Variants in KCNN2 observed in about 807,000 individuals in gnomAD.
KCNN2 encodes the protein small conductance calcium-activated potassium channel protein 2.
A neutral mutation model predicts 55.5 loss-of-function variants in KCNN2; 24 were observed. That is an observed-to-expected ratio of 0.43 (90% CI 0.31 to 0.61). The LOEUF is 0.61. KCNN2 is among the 20% of genes least tolerant of loss of function. KCNN2 has a pLI of 0.08. For synonymous variants in KCNN2, 431 were observed against 336.1 expected (o/e 1.28, Z -3.09); for missense variants, 754 against 853.6 (o/e 0.88, Z 1.45).
At chr5:114,327,538 G>A (rs1460945649) in intron 2 of KCNN2, among the ~76,000 whole-genome samples, 2 of 152,180 alleles carry the variant, frequency 1.3e-5, no homozygotes, top group Non-Finnish European at 2.9e-5. Flanking sequence ...TATATCATAA[G>A]AGCTGAGAAA....
intron 1 of KCNN2, among the ~76,000 whole-genome samples, chr5:114,147,289 C>T (rs960263578): frequency 3.0e-4 from 17 of 56,084 alleles, no homozygotes; most frequent in South Asian, 1.1e-3. Flanking sequence ...CCAGTGAAGT[C>T]AGCCAGATTA....
chr5:114,435,398 C>CT (rs1219893629), intron 3 of KCNN2, among the ~76,000 whole-genome samples: 2 of 151,948 alleles, frequency 1.3e-5, no homozygotes, highest in Non-Finnish European at 2.9e-5. Context: ...AGTTTGTCAC[C>CT]TTTTTTTATT....
At chr5:114,312,761 C>T (rs572877560) in intron 2 of KCNN2, among the ~76,000 whole-genome samples, 2 of 152,004 alleles carry the variant, frequency 1.3e-5, no homozygotes, top group South Asian at 4.2e-4. Context: ...TTCCTAGCAA[C>T]CTCCCAGTTT....
intron 1 of KCNN2, among the ~76,000 whole-genome samples, chr5:114,060,650 T>A (rs1750307085): frequency 6.6e-6 from 1 of 152,264 alleles, no homozygotes; most frequent in African/African-American, 2.4e-5. Flanking sequence ...ATTCTGGCTC[T>A]ACCATATGTG....
intron 3 of KCNN2, among the ~76,000 whole-genome samples, chr5:114,443,138 A>G (rs1428486230): frequency 2.6e-5 from 4 of 152,066 alleles, no homozygotes; most frequent in Admixed American, 2.6e-4. Context: ...TAAAAATACA[A>G]AAATTAACTG....
chr5:114,117,969 T>A (rs920581915), intron 1 of KCNN2, among the ~76,000 whole-genome samples: 1 of 152,064 alleles, frequency 6.6e-6, no homozygotes, highest in Non-Finnish European at 1.5e-5. Context: ...TATCACAAAG[T>A]TCATAAGGGG....
chr5:114,242,902 A>G (rs924499593), intron 2 of KCNN2, among the ~76,000 whole-genome samples: 4 of 152,166 alleles, frequency 2.6e-5, no homozygotes, highest in Admixed American at 2.0e-4. Flanking sequence ...ATGAGGCCCA[A>G]CATGCCTTGT....
At chr5:114,130,280 A>G (rs184589957) in intron 1 of KCNN2, among the ~76,000 whole-genome samples, 15 of 152,300 alleles carry the variant, frequency 9.8e-5, no homozygotes, top group African/African-American at 3.4e-4. Context: ...ACTCAAACCT[A>G]TATTTCTCTA....
intron 3 of KCNN2, among the ~76,000 whole-genome samples, chr5:114,411,942 A>G (rs1485751024): frequency 1.3e-5 from 2 of 152,242 alleles, no homozygotes; most frequent in Admixed American, 6.5e-5. Flanking sequence ...ATCATGCCCC[A>G]TAATAAAACT....
chr5:114,234,452 C>T (rs1003293011), intron 2 of KCNN2, among the ~76,000 whole-genome samples: 2 of 152,156 alleles, frequency 1.3e-5, no homozygotes, highest in Non-Finnish European at 2.9e-5. Context: ...CTTCTTTGCT[C>T]ATGTGCCATT....
intron 3 of KCNN2, among the ~76,000 whole-genome samples, chr5:114,452,719 C>G (rs1167372657): frequency 6.6e-6 from 1 of 152,126 alleles, no homozygotes; most frequent in Non-Finnish European, 1.5e-5. Flanking sequence ...TTAACACTTC[C>G]CAGGTGGCTC....
intron 1 of KCNN2, among the ~76,000 whole-genome samples, chr5:114,164,651 A>T (rs953662771): frequency 4.6e-5 from 7 of 152,148 alleles, no homozygotes; most frequent in Non-Finnish European, 1.0e-4. Context: ...TGTCCATTAA[A>T]ATTGGAATTC....
chr5:114,253,127 G>GCATT (rs1324223772), intron 2 of KCNN2, among the ~76,000 whole-genome samples: 3 of 41,116 alleles, frequency 7.3e-5, no homozygotes, highest in Non-Finnish European at 1.3e-4. Flanking sequence ...TTTTTTTCTT[G>GCATT]CTTTCTTTTT....
intron 2 of KCNN2, among the ~76,000 whole-genome samples, chr5:114,345,763 G>A (rs1377858299): frequency 2.6e-5 from 4 of 152,020 alleles, no homozygotes; most frequent in Non-Finnish European, 5.9e-5. Flanking sequence ...TGGCTTCTGG[G>A]GAGGCCTCTG....
chr5:114,164,353 A>G (rs554855879), intron 1 of KCNN2, among the ~76,000 whole-genome samples: 4 of 152,330 alleles, frequency 2.6e-5, no homozygotes, highest in Middle Eastern at 3.4e-3. Flanking sequence ...TACTTTAGCC[A>G]TAACCAGTTT....
intron 1 of KCNN2, among the ~76,000 whole-genome samples, chr5:114,123,867 C>G (rs1020246857): frequency 3.3e-5 from 5 of 152,184 alleles, no homozygotes; most frequent in Admixed American, 1.3e-4. Flanking sequence ...GTGCAGCCAC[C>G]TTGGTTTCTT....
chr5:114,348,136 T>A (rs1167583332), intron 2 of KCNN2, among the ~76,000 whole-genome samples: 1 of 152,142 alleles, frequency 6.6e-6, no homozygotes, highest in East Asian at 1.9e-4. Context: ...TGAGAACATA[T>A]ATTTTCTAAA....
intron 3 of KCNN2, among the ~76,000 whole-genome samples, chr5:114,444,319 G>C (rs1281862672): frequency 6.6e-6 from 1 of 151,982 alleles, no homozygotes; most frequent in African/African-American, 2.4e-5. Flanking sequence ...GAGGAGGAGG[G>C]GTTAGAGTAT....
chr5:114,068,802 CTTTCTTTTTCTT>C (rs371167139), intron 1 of KCNN2, among the ~76,000 whole-genome samples: 6 of 151,824 alleles, frequency 4.0e-5, no homozygotes, highest in South Asian at 2.1e-4. Context: ...CTCTCTTTTC[CTTTCTTTTTCTT>C]TTTCTTTTTC....
Sources: allele counts gnomAD v4.1 joint callset (sites outside exome capture counted in the v4.1 genomes callset), GRCh38; gene constraint gnomAD v4.1.1; transcripts MANE v1.5; gene names NCBI Gene and HGNC (gene_info 2026-07-23, HGNC 2026-07-21).